NIM1K: variants seen among roughly 807,000 people sequenced by gnomAD.
The protein encoded by NIM1K is serine/threonine-protein kinase NIM1.
In NIM1K, 35 loss-of-function variants were observed where a neutral mutation model predicts 37.1. The ratio of observed to expected loss-of-function variants is 0.94; its 90% CI spans 0.72 to 1.25. NIM1K has a LOEUF of 1.25. Among genes scored for constraint, NIM1K ranks in the 50% most tolerant of loss-of-function variants. NIM1K has a pLI of 0.00. For synonymous variants in NIM1K, 234 were observed against 206.6 expected, an observed-to-expected ratio of 1.13 and a Z score of -1.14; for missense variants, 564 against 548.0, an observed-to-expected ratio of 1.03 and a Z score of -0.29.
chr5:43,254,956 GGTTA>G (rs1380852016), intron 2 of NIM1K, among the ~76,000 whole-genome samples: 1 of 152,078 alleles, frequency 6.6e-6, no homozygotes. Context: ...CTTTAAAAAT[GGTTA>G]GTTAGTGATT....
intron 3 of NIM1K, among the ~76,000 whole-genome samples, 157 bp downstream of exon 3, chr5:43,277,482 C>T (rs770110609): frequency 6.6e-6 from 1 of 152,156 alleles, no homozygotes; most frequent in African/African-American, 2.4e-5. Context: ...TGGGATCATG[C>T]TCCTTGCCTG....
chr5:43,207,311 G>T, intron 1 of NIM1K: 3 of 765,012 alleles, frequency 3.9e-6, no homozygotes, highest in South Asian at 1.3e-5. Flanking sequence ...GTGTGAAATA[G>T]TCAAACTAAA....
At chr5:43,260,601 G>C (rs1197536005) in intron 2 of NIM1K, among the ~76,000 whole-genome samples, 1 of 151,966 alleles carries the variant, frequency 6.6e-6, no homozygotes, top group African/African-American at 2.4e-5. Flanking sequence ...TAGAGAGAGA[G>C]AGAGAGCACA....
chr5:43,200,896 C>T (rs986282302), intron 1 of NIM1K, among the ~76,000 whole-genome samples: 1 of 151,912 alleles, frequency 6.6e-6, no homozygotes, highest in Non-Finnish European at 1.5e-5. Context: ...GAGGCCGAGT[C>T]GGGTGGATCA....
At chr5:43,194,757 T>C (rs1012694460) in intron 1 of NIM1K, 9 of 152,198 alleles carry the variant, frequency 5.9e-5, no homozygotes, top group African/African-American at 2.2e-4. Flanking sequence ...ACTTACAGTT[T>C]TGTTTTATTT....
intron 2 of NIM1K, among the ~76,000 whole-genome samples, chr5:43,269,533 A>T (rs1483685477): frequency 6.6e-6 from 1 of 152,102 alleles, no homozygotes; most frequent in Non-Finnish European, 1.5e-5. Flanking sequence ...TAATATTAAC[A>T]TTGAGATGTA....
intron 1 of NIM1K, among the ~76,000 whole-genome samples, chr5:43,243,495 C>T (rs1189796889): frequency 1.3e-5 from 2 of 151,216 alleles, no homozygotes; most frequent in African/African-American, 2.4e-5. Flanking sequence ...GTTTTGTTAG[C>T]ATCTCAAAGG....
At chr5:43,269,619 T>C (rs951392623) in intron 2 of NIM1K, among the ~76,000 whole-genome samples, 16 of 151,970 alleles carry the variant, frequency 1.1e-4, no homozygotes, top group African/African-American at 3.9e-4. Flanking sequence ...GTTTTTATTT[T>C]TTTATTTTAA....
intron 1 of NIM1K, chr5:43,207,409 AGAC>A: frequency 1.2e-6 from 1 of 863,100 alleles, no homozygotes; most frequent in Non-Finnish European, 2.0e-6. Context: ...GCGATGTCTT[AGAC>A]AATCTTAAAG....
chr5:43,221,959 A>G (rs1752386660), intron 1 of NIM1K, among the ~76,000 whole-genome samples: 2 of 152,250 alleles, frequency 1.3e-5, no homozygotes, highest in Admixed American at 1.3e-4. Context: ...GTAGATGCTC[A>G]GTAAATGTTG....
chr5:43,263,992 G>T (rs1007454076), intron 2 of NIM1K, among the ~76,000 whole-genome samples: 22 of 152,146 alleles, frequency 1.4e-4, no homozygotes, highest in African/African-American at 5.3e-4. Flanking sequence ...GAGACAGTTT[G>T]TTATAATTTC....
chr5:43,274,759 C>T (rs1207041963), intron 2 of NIM1K, among the ~76,000 whole-genome samples: 1 of 152,222 alleles, frequency 6.6e-6, no homozygotes, highest in Non-Finnish European at 1.5e-5. Flanking sequence ...AACCCTTTTT[C>T]CATTCCAGAA....
At chr5:43,234,755 C>T (rs1333953601) in intron 1 of NIM1K, among the ~76,000 whole-genome samples, 1 of 152,202 alleles carries the variant, frequency 6.6e-6, no homozygotes, top group East Asian at 1.9e-4. Flanking sequence ...CTGCCTCAGC[C>T]TCCTGAGTAG....
At chr5:43,221,447 C>CAAAAAAAA (rs55658060) in intron 1 of NIM1K, among the ~76,000 whole-genome samples, 3 of 124,134 alleles carry the variant, frequency 2.4e-5, no homozygotes, top group African/African-American at 3.3e-5. Context: ...GAGACTGTCT[C>CAAAAAAAA]AAAAAAAAAA....
intron 2 of NIM1K, among the ~76,000 whole-genome samples, chr5:43,266,785 A>G (rs1043773119): frequency 1.3e-5 from 2 of 152,068 alleles, no homozygotes; most frequent in African/African-American, 4.8e-5. Context: ...TCTTCCCTCT[A>G]TCTCTGGGAC....
chr5:43,272,464 C>T (rs945738152), intron 2 of NIM1K, among the ~76,000 whole-genome samples: 1 of 152,162 alleles, frequency 6.6e-6, no homozygotes, highest in African/African-American at 2.4e-5. Context: ...CCCAGGACTA[C>T]ATCAAATCTC....
At chr5:43,207,724 T>C (rs1752138833) in intron 1 of NIM1K, 2 of 488,066 alleles carry the variant, frequency 4.1e-6, no homozygotes, top group Non-Finnish European at 4.0e-6. Context: ...AGAATTGTTC[T>C]GCGGAATTCT....
intron 1 of NIM1K, among the ~76,000 whole-genome samples, chr5:43,200,125 G>A (rs541767429): frequency 1.3e-5 from 2 of 151,840 alleles, no homozygotes; most frequent in African/African-American, 4.8e-5. Context: ...TGCCCACCTC[G>A]GCCTCCCAAA....
chr5:43,259,740 G>A (rs994416280), intron 2 of NIM1K, among the ~76,000 whole-genome samples: 3 of 152,086 alleles, frequency 2.0e-5, no homozygotes, highest in African/African-American at 7.2e-5. Context: ...TGGATTGCCT[G>A]TTTGCTTTGA....
Sources: gnomAD v4.1 joint callset for allele counts (sites outside exome capture counted in the v4.1 genomes callset) on GRCh38, gnomAD v4.1.1 for gene constraint, MANE v1.5 for transcripts, NCBI Gene and HGNC (gene_info 2026-07-23, HGNC 2026-07-21) for gene names.